The following GALNT3 variants were observed in gnomAD, a reference collection of about 807,000 sequenced individuals.
The protein encoded by GALNT3 is polypeptide N-acetylgalactosaminyltransferase 3, also known as GalNAc transferase 3.
A neutral mutation model predicts 69.8 loss-of-function variants in GALNT3; 51 were observed. That is an observed-to-expected ratio of 0.73 (90% CI 0.58 to 0.92). The LOEUF (loss-of-function observed/expected upper bound fraction) is 0.92, where lower values mean the gene tolerates loss of function less well. GALNT3 is among the 40% of genes least tolerant of loss of function. The pLI is 0.00. For synonymous variants in GALNT3, 265 were observed against 248.5 expected, an observed-to-expected ratio of 1.07 and a Z score of -0.63; for missense variants, 711 against 760.0, an observed-to-expected ratio of 0.94 and a Z score of 0.76.
At chr2:165,771,049 T>A (rs1688744409) in intron 1 of GALNT3, among the ~76,000 whole-genome samples, 1 of 152,182 alleles carries the variant, frequency 6.6e-6, no homozygotes, top group African/African-American at 2.4e-5. Flanking sequence ...AAATACATTC[T>A]TTTTAAACTC....
chr2:165,748,824 G>A lies in GALNT3; in HGVS notation c.1859C>T (p.Pro620Leu). 1 of 1,611,772 alleles carries A rather than the reference G, an allele frequency of 6.2e-7. No individual in the cohort carries two copies. Among genetic ancestry groups the A allele is most frequent in the Non-Finnish European group, 8.5e-7 (1 of 1,178,578 alleles). Residue 620 changes from proline to leucine, a missense_variant, in exon 11 of 11, where the codon CCA becomes CTA. Coordinates refer to ENST00000392701, the MANE Select transcript of GALNT3 (RefSeq NM_004482.4). ...GEHPSLVSCN[P>L]SDPLQKWILS... Reference sequence around the variant, plus strand: ...TATCCATTTTTGGAGTGGATCTGATGGGTTGCATGACACTAAACTTGGATG... The same window carrying A: ...TATCCATTTTTGGAGTGGATCTGATAGGTTGCATGACACTAAACTTGGATG...
intron 2 of GALNT3, among the ~76,000 whole-genome samples, chr2:165,767,055 A>T (rs935187270): frequency 6.6e-6 from 1 of 152,192 alleles, no homozygotes; most frequent in African/African-American, 2.4e-5. Flanking sequence ...ATAAATAAAA[A>T]CAAATTATTT....
At chr2:165,788,718 G>A (rs1353482046) in intron 1 of GALNT3, among the ~76,000 whole-genome samples, 1 of 151,852 alleles carries the variant, frequency 6.6e-6, no homozygotes, top group African/African-American at 2.4e-5. Flanking sequence ...CTCTGCAGTG[G>A]GAAGTGCAAA....
chr2:165,763,015 G>A lies in GALNT3; in HGVS notation c.689-961C>T, dbSNP rs190641825. Reference sequence around the variant, plus strand: ...GGGGTTTCATCATGTTGCCCAGGCTGGTCTGGAACTCCTGAACTCAAGCTA... The same window carrying A: ...GGGGTTTCATCATGTTGCCCAGGCTAGTCTGGAACTCCTGAACTCAAGCTA... On this transcript the variant is annotated intron_variant, in intron 3 of 10. Coordinates refer to ENST00000392701, the MANE Select transcript of GALNT3 (RefSeq NM_004482.4). 2.6e-5 allele frequency among the ~76,000 whole-genome samples: 4 copies of A among 151,034 alleles called. No individual in the cohort carries two copies. In the East Asian group the frequency reaches 7.8e-4, roughly 30 times the overall value.
At chr2:165,751,265 G>A (rs1211045962) in intron 9 of GALNT3, among the ~76,000 whole-genome samples, 1 of 152,154 alleles carries the variant, frequency 6.6e-6, no homozygotes, top group Non-Finnish European at 1.5e-5. Flanking sequence ...AACTCTTTAT[G>A]TGTATTACAG....
chr2:165,749,626 A>C (rs1688320357), intron 10 of GALNT3, 116 bp downstream of exon 10: 2 of 934,894 alleles, frequency 2.1e-6, no homozygotes, highest in Non-Finnish European at 1.7e-6. Context: ...AAAGTTAATA[A>C]AGGGAGAGAA....
intron 6 of GALNT3, 27 bp from the exon 7 acceptor site, chr2:165,757,274 T>A (rs1688463320): frequency 6.2e-7 from 1 of 1,602,132 alleles, no homozygotes; most frequent in Admixed American, 1.7e-5. Context: ...TTTGTTTAAA[T>A]TTACAGTATT....
intron 1 of GALNT3, among the ~76,000 whole-genome samples, chr2:165,785,381 A>AT (rs1412345479): frequency 6.6e-6 from 1 of 152,184 alleles, no homozygotes; most frequent in Non-Finnish European, 1.5e-5. Flanking sequence ...TTGTTTTTAT[A>AT]TTTTTAAAAA....
chr2:165,789,301 T>G (rs969968337), intron 1 of GALNT3, among the ~76,000 whole-genome samples: 2 of 152,206 alleles, frequency 1.3e-5, no homozygotes, highest in Non-Finnish European at 2.9e-5. Flanking sequence ...GGCAAAAGGC[T>G]AACAAGCTTT....
chr2:165,761,956 G>C lies in GALNT3; in HGVS notation c.787C>G (p.Leu263Val). Reference sequence around the variant, plus strand: ...TCAGCTGTTGCGACTGTTGCTCCTAGCAACCGAGCAGTGATCAGACCTTTT... The same window carrying C: ...TCAGCTGTTGCGACTGTTGCTCCTACCAACCGAGCAGTGATCAGACCTTTT... Reference protein sequence around the residue: ...ERKGLITARLLGATVATAETL... With the variant: ...ERKGLITARLVGATVATAETL... The change falls in exon 4 of 11, where the codon CTA (leucine) becomes GTA (valine). Residue 263 changes from leucine to valine, a missense_variant. By Grantham distance (32) the Leu-to-Val change is conservative. Transcript: ENST00000392701. 6.2e-7 allele frequency: 1 copy of C among 1,613,894 alleles called. No homozygotes were observed. Among genetic ancestry groups the C allele is most frequent in the Non-Finnish European group, 8.5e-7 (1 of 1,179,900 alleles).
intron 7 of GALNT3, among the ~76,000 whole-genome samples, chr2:165,756,637 G>GA (rs1021685118): frequency 6.7e-6 from 1 of 149,922 alleles, no homozygotes; most frequent in African/African-American, 2.5e-5. Flanking sequence ...ACTAGAGCTT[G>GA]AAAAAAAAAG....
chr2:165,754,881 G>C (rs963005105), intron 8 of GALNT3, 51 bp downstream of exon 8: 1 of 1,590,352 alleles, frequency 6.3e-7, no homozygotes, highest in Non-Finnish European at 8.6e-7. Flanking sequence ...ACCACATAAA[G>C]GTTGGTGGCA....
intron 1 of GALNT3, among the ~76,000 whole-genome samples, chr2:165,792,824 C>T (rs1045499184): frequency 2.6e-5 from 4 of 151,878 alleles, no homozygotes; most frequent in Non-Finnish European, 5.9e-5. Context: ...TGACTTTAAC[C>T]TCATGGATTT....
At chr2:165,788,300 G>A (rs1347499804) in intron 1 of GALNT3, among the ~76,000 whole-genome samples, 1 of 125,346 alleles carries the variant, frequency 8.0e-6, no homozygotes, top group East Asian at 2.4e-4. Context: ...CTGGGCGATA[G>A]AGCAAGACAT....
intron 9 of GALNT3, among the ~76,000 whole-genome samples, chr2:165,752,329 AC>A (rs1688369761): frequency 6.6e-6 from 1 of 151,640 alleles, no homozygotes; most frequent in Non-Finnish European, 1.5e-5. Flanking sequence ...TAAAATAACC[AC>A]CCTACCCCGA....
chr2:165,784,839 A>C (rs990934605), intron 1 of GALNT3, among the ~76,000 whole-genome samples: 2 of 152,244 alleles, frequency 1.3e-5, no homozygotes, highest in South Asian at 4.1e-4. Flanking sequence ...AGTTTTATCC[A>C]GTTCAAAATG....
At chr2:165,785,765 G>A (rs796313233) in intron 1 of GALNT3, among the ~76,000 whole-genome samples, 2 of 152,082 alleles carry the variant, frequency 1.3e-5, no homozygotes, top group East Asian at 3.9e-4. Context: ...AACCACCACG[G>A]AACAGGCCTA....
intron 10 of GALNT3, 24 bp from the exon 11 acceptor site, chr2:165,748,927 C>G: frequency 6.3e-7 from 1 of 1,599,538 alleles, no homozygotes; most frequent in Non-Finnish European, 8.5e-7. Flanking sequence ...AAACAACAGA[C>G]ATTAAATTCC....
At chr2:165,776,237 C>A (rs1386025477) in intron 1 of GALNT3, among the ~76,000 whole-genome samples, 3 of 152,064 alleles carry the variant, frequency 2.0e-5, no homozygotes, top group Non-Finnish European at 4.4e-5. Flanking sequence ...GTACTACCTG[C>A]CAAATTGGAA....
Sources: gnomAD v4.1 joint callset for allele counts (sites outside exome capture counted in the v4.1 genomes callset) on GRCh38, gnomAD v4.1.1 for gene constraint, MANE v1.5 for transcripts, NCBI Gene and HGNC (gene_info 2026-07-23, HGNC 2026-07-21) for gene names.